SHOC2: variants seen among roughly 807,000 people sequenced by gnomAD.
SHOC2 encodes SHOC2 leucine rich repeat scaffold protein.
SHOC2 carries 4 observed loss-of-function variants against 50.2 expected under a neutral mutation model. The observed-to-expected ratio is 0.08, with a 90% confidence interval of 0.04 to 0.18. The LOEUF is 0.18. Ranked by LOEUF, SHOC2 falls within the 10% of genes least tolerant of loss-of-function variation. The pLI is 1.00. For missense variants in SHOC2, 388 were observed against 669.6 expected, an observed-to-expected ratio of 0.58 and a Z score of 4.64; for synonymous variants, 218 against 244.5, an observed-to-expected ratio of 0.89 and a Z score of 1.01.
At chr10:110,929,177 ATAG>A (rs1195742670) in intron 1 of SHOC2, among the ~76,000 whole-genome samples, 3 of 152,182 alleles carry the variant, frequency 2.0e-5, no homozygotes, top group Admixed American at 6.5e-5. Context: ...TAATCTATAA[ATAG>A]TAGATTGATG....
chr10:110,951,432 C>G (rs888204727), intron 1 of SHOC2, among the ~76,000 whole-genome samples: 1 of 152,128 alleles, frequency 6.6e-6, no homozygotes, highest in African/African-American at 2.4e-5. Flanking sequence ...CTCTTTTACA[C>G]TGTTGTAAAT....
chr10:110,939,878 A>C (rs1847102347), intron 1 of SHOC2, among the ~76,000 whole-genome samples: 1 of 152,208 alleles, frequency 6.6e-6, no homozygotes, highest in African/African-American at 2.4e-5. Context: ...CCTAATGGTC[A>C]ATTATGGAAA....
intron 8 of SHOC2, among the ~76,000 whole-genome samples, chr10:111,010,474 T>C (rs980459224): frequency 1.3e-5 from 2 of 152,106 alleles, no homozygotes; most frequent in African/African-American, 2.4e-5. Context: ...TAGGTGGGAA[T>C]TGAACAATGA....
At chr10:110,957,331 T>C (rs1377221257) in intron 1 of SHOC2, among the ~76,000 whole-genome samples, 1 of 152,220 alleles carries the variant, frequency 6.6e-6, no homozygotes, top group Non-Finnish European at 1.5e-5. Context: ...TCTCAAAGTC[T>C]TAGGACTGTT....
chr10:110,937,736 C>T (rs547617579), intron 1 of SHOC2, among the ~76,000 whole-genome samples: 4 of 152,130 alleles, frequency 2.6e-5, no homozygotes, highest in South Asian at 4.1e-4. Context: ...TACAGAGGCT[C>T]TTTTGGATAA....
At chr10:110,937,028 C>G (rs753746386) in intron 1 of SHOC2, 1 of 1,482,450 alleles carries the variant, frequency 6.7e-7, no homozygotes, top group East Asian at 2.3e-5. Context: ...GTGGTAGGGG[C>G]GTCGGAAAGG....
chr10:110,958,814 C>A (rs1002439302), intron 1 of SHOC2, among the ~76,000 whole-genome samples: 6 of 151,968 alleles, frequency 3.9e-5, no homozygotes, highest in Non-Finnish European at 8.8e-5. Context: ...TGAATCCCTT[C>A]CTTCTCCCTA....
chr10:110,951,287 A>G (rs12776359), intron 1 of SHOC2, among the ~76,000 whole-genome samples: 16,346 of 152,262 alleles, frequency 0.11, 963 homozygotes, highest in Middle Eastern at 0.16. Flanking sequence ...GCTCAACGTC[A>G]TTAATCATCA....
chr10:110,975,110 A>G (rs1325543012), intron 2 of SHOC2, among the ~76,000 whole-genome samples: 1 of 152,098 alleles, frequency 6.6e-6, no homozygotes, highest in Non-Finnish European at 1.5e-5. Flanking sequence ...AGTTAATTTC[A>G]TCAGTTTTTC....
intron 1 of SHOC2, chr10:110,936,697 T>C: frequency 2.1e-6 from 2 of 960,474 alleles, no homozygotes; most frequent in Non-Finnish European, 3.3e-6. Context: ...TCTTGGCCTG[T>C]TTCCGTAGGC....
At chr10:110,952,546 A>T (rs1847376415) in intron 1 of SHOC2, among the ~76,000 whole-genome samples, 1 of 146,694 alleles carries the variant, frequency 6.8e-6, no homozygotes, top group African/African-American at 2.5e-5. Context: ...GCAATAACTG[A>T]TTTTTTTTTT....
Position 110,954,720 on chromosome 10 carries a change from A to G in SHOC2, c.-234-9405A>G, listed in dbSNP as rs139249232. Among the ~76,000 whole-genome samples, 701 of 152,324 alleles carry G rather than the reference A, an allele frequency of 4.6e-3. 1 individual carries two copies. Among genetic ancestry groups the G allele is most frequent in the Middle Eastern group, 0.014 (4 of 294 alleles). ...TACTAATAAATGTTATGAAGAAAAT[A>G]AAACAGGATAGATGGTCAGAGAAGG... On this transcript the variant is annotated intron_variant, in intron 1 of 8. Coordinates refer to ENST00000369452, the MANE Select transcript of SHOC2 (RefSeq NM_007373.4).
chr10:110,961,478 T>G (rs1478749075), intron 1 of SHOC2, among the ~76,000 whole-genome samples: 1 of 152,188 alleles, frequency 6.6e-6, no homozygotes, highest in East Asian at 1.9e-4. Flanking sequence ...ATGTGAAAAA[T>G]TTTTAGTTAA....
At chr10:111,005,753 A>G (rs1325816932) in intron 5 of SHOC2, among the ~76,000 whole-genome samples, 1 of 152,192 alleles carries the variant, frequency 6.6e-6, no homozygotes. Flanking sequence ...TCAGTGATTT[A>G]ATTTGTACTG....
At chr10:110,957,532 A>ACCCCCC (rs149911635) in intron 1 of SHOC2, among the ~76,000 whole-genome samples, 4 of 128,448 alleles carry the variant, frequency 3.1e-5, no homozygotes, top group South Asian at 2.6e-4. Context: ...TCATGAAGAT[A>ACCCCCC]CCCCCCCCCC....
At chr10:110,947,766 C>CAAA (rs35892835) in intron 1 of SHOC2, among the ~76,000 whole-genome samples, 35 of 104,810 alleles carry the variant, frequency 3.3e-4, no homozygotes, top group Non-Finnish European at 5.9e-4. Flanking sequence ...AAATAAGTAC[C>CAAA]AAAAAAAAAA....
intron 1 of SHOC2, among the ~76,000 whole-genome samples, chr10:110,953,251 T>A (rs1458205341): frequency 1.3e-5 from 2 of 152,214 alleles, no homozygotes; most frequent in African/African-American, 4.8e-5. Flanking sequence ...TTTTTAATAA[T>A]CACCATTCTG....
chr10:110,936,064 A>C (rs1394869155), intron 1 of SHOC2, among the ~76,000 whole-genome samples: 1 of 149,676 alleles, frequency 6.7e-6, no homozygotes, highest in Non-Finnish European at 1.5e-5. Flanking sequence ...CTGGGGGTAA[A>C]TTCTTGAGTA....
At position 110,964,004 on chromosome 10, in the gene SHOC2, G is replaced by A. The variant is rs954186345; in HGVS notation, c.-234-121G>A. Reference sequence around the variant, plus strand: ...AAATGGATTTTTACCTATAAAGGATGTTCATAAATATTTGAGAATGAAATC... The same window carrying A: ...AAATGGATTTTTACCTATAAAGGATATTCATAAATATTTGAGAATGAAATC... On this transcript the variant is annotated intron_variant, in intron 1 of 8. Transcript: ENST00000369452. The surrounding 1 kb of genome is among the most constrained non-coding windows in gnomAD (Gnocchi z 4.9). 1.5e-5 allele frequency: 6 copies of A among 410,672 alleles called. No homozygotes were observed. The highest frequency in any genetic ancestry group is 1.2e-4 in the African/African-American group (6 of 48,446). The allele number at this position is 410,672 out of a possible 1,614,324, so 25.4% of individuals were successfully genotyped here.
Sources: allele counts gnomAD v4.1 joint callset (sites outside exome capture counted in the v4.1 genomes callset), GRCh38; gene constraint gnomAD v4.1.1; non-coding constraint Gnocchi (gnomAD v3.1); transcripts MANE v1.5; gene names NCBI Gene and HGNC (gene_info 2026-07-23, HGNC 2026-07-21).